Variants in ATF7IP2 observed in about 807,000 individuals in gnomAD.
ATF7IP2 encodes activating transcription factor 7 interacting protein 2.
ATF7IP2 carries 42 observed loss-of-function variants against 64.2 expected under a neutral mutation model. The ratio of observed to expected loss-of-function variants is 0.65; its 90% CI spans 0.51 to 0.85. The LOEUF (loss-of-function observed/expected upper bound fraction) is 0.85, where lower values mean the gene tolerates loss of function less well. Among genes scored for constraint, ATF7IP2 ranks in the 40% least tolerant of loss-of-function variants. The probability of loss-of-function intolerance (pLI) is 0.00; values close to 1 mark genes in which losing one functional copy is unlikely to be tolerated. For missense variants in ATF7IP2, 933 were observed against 784.2 expected (o/e 1.19, Z -2.27); for synonymous variants, 308 against 272.8 (o/e 1.13, Z -1.27).
At chr16:10,421,402 A>T (rs1382023179) in intron 3 of ATF7IP2, among the ~76,000 whole-genome samples, 8 of 152,200 alleles carry the variant, frequency 5.3e-5, no homozygotes, top group Non-Finnish European at 2.9e-5. Flanking sequence ...GCTGAGGGCT[A>T]TTGCGACTAG....
intron 1 of ATF7IP2, among the ~76,000 whole-genome samples, chr16:10,405,948 G>T (rs1298518222): frequency 1.3e-5 from 2 of 152,114 alleles, no homozygotes; most frequent in South Asian, 2.1e-4. Flanking sequence ...AACTAGCTGG[G>T]TGTGGTGGCA....
intron 1 of ATF7IP2, among the ~76,000 whole-genome samples, chr16:10,408,584 A>G (rs1303507766): frequency 6.6e-6 from 1 of 152,194 alleles, no homozygotes; most frequent in Non-Finnish European, 1.5e-5. Context: ...TTCCCTGATC[A>G]TTAGTGGTGA....
intron 8 of ATF7IP2, among the ~76,000 whole-genome samples, chr16:10,444,670 A>G (rs1384735331): frequency 6.6e-6 from 1 of 152,310 alleles, no homozygotes; most frequent in South Asian, 2.1e-4. Flanking sequence ...GAAGTTTTCA[A>G]AATCGATTTA....
rs2048244959 is a variant in ATF7IP2 at position 10,431,341 on chromosome 16, T to C, written c.721T>C (p.Ser241Pro). 1 of 1,614,108 alleles carries C rather than the reference T, an allele frequency of 6.2e-7. No individual in the cohort carries two copies. The highest frequency in any genetic ancestry group is 1.3e-5 in the African/African-American group (1 of 74,944). ...ACCTAATTTGGTGAATTCAGTCACT[T>C]CTAACAACTGTGCTGATGACATTTT... is the stretch of plus-strand genomic sequence containing the variant. ...KTPNLVNSVT[S>P]NNCADDILKT... The change falls in exon 5 of 14, where the codon TCT becomes CCT. Residue 241 changes from serine (S) to proline (P), a missense_variant. Coordinates refer to ENST00000562102, the MANE Select transcript of ATF7IP2 (RefSeq NM_001393719.1).
intron 12 of ATF7IP2, among the ~76,000 whole-genome samples, chr16:10,474,928 G>T (rs918250884): frequency 2.0e-5 from 3 of 152,116 alleles, no homozygotes; most frequent in Non-Finnish European, 2.9e-5. Flanking sequence ...TTTCAAAAAA[G>T]AAAGCAACTT....
chr16:10,398,053 C>T (rs372314836), intron 1 of ATF7IP2, among the ~76,000 whole-genome samples: 307 of 151,828 alleles, frequency 2.0e-3, no homozygotes, highest in African/African-American at 6.8e-3. Context: ...GCTTGTAATC[C>T]CAGCACTTTG....
chr16:10,482,206 G>A lies in ATF7IP2; in HGVS notation c.2006G>A (p.Cys669Tyr). The A allele has an allele frequency of 1.9e-6, 3 of 1,607,594 alleles. No homozygotes were observed. Among genetic ancestry groups the A allele is most frequent in the Non-Finnish European group, 2.5e-6 (3 of 1,177,696 alleles). Residue 669 changes from cysteine (C) to tyrosine (Y), a missense_variant, in exon 14 of 14, where the codon TGT (cysteine) becomes TAT (tyrosine). By Grantham distance (194) the Cys-to-Tyr change is radical (BLOSUM62 -2). Transcript: ENST00000562102. ...KDIFGRYGPF[C>Y]DIKSIPGFSE... ...ATTTTTGGACGATATGGACCATTCTGTGATATAAAATCTATCCCTGGGTTT... is the reference window on the plus strand; with the variant it reads ...ATTTTTGGACGATATGGACCATTCTATGATATAAAATCTATCCCTGGGTTT...
chr16:10,436,648 ATG>A (rs749214957), intron 6 of ATF7IP2, among the ~76,000 whole-genome samples: 7 of 152,216 alleles, frequency 4.6e-5, no homozygotes, highest in Admixed American at 3.9e-4. Context: ...CGTAGGAACT[ATG>A]TGTTCTATTT....
At chr16:10,390,998 A>G (rs532562157) in intron 1 of ATF7IP2, among the ~76,000 whole-genome samples, 221 of 151,990 alleles carry the variant, frequency 1.5e-3, no homozygotes, top group Non-Finnish European at 2.1e-3. Context: ...CCCCATCGCT[A>G]TGAAAAACAA....
chr16:10,445,945 A>G (rs545580272), intron 8 of ATF7IP2: 164 of 152,366 alleles, frequency 1.1e-3, no homozygotes, highest in African/African-American at 3.7e-3. Flanking sequence ...CAGTATAAAT[A>G]GTTCCTTCTT....
At chr16:10,417,669 T>C (rs1453981732) in intron 2 of ATF7IP2, among the ~76,000 whole-genome samples, 1 of 152,088 alleles carries the variant, frequency 6.6e-6, no homozygotes, top group Non-Finnish European at 1.5e-5. Flanking sequence ...AAATTGATAA[T>C]CTGGTCCTAA....
Position 10,426,864 on chromosome 16 carries a change from T to G in ATF7IP2, c.-159-2004T>G, listed in dbSNP as rs78418666. On this transcript the variant is annotated intron_variant, in intron 3 of 13. Coordinates refer to ENST00000562102, the MANE Select transcript of ATF7IP2 (RefSeq NM_001393719.1). Reference sequence around the variant, plus strand: ...TTTTTGGTTTTTTTTTGTTGTTGTTTTTTTTTAAGACAGTGTCCCACTCTG... The same window carrying G: ...TTTTTGGTTTTTTTTTGTTGTTGTTGTTTTTTAAGACAGTGTCCCACTCTG... Among the ~76,000 whole-genome samples the G allele has an allele frequency of 7.4e-3, 1,132 of 152,310 alleles. 7 individuals carry two copies. Among genetic ancestry groups the G allele is most frequent in the African/African-American group, 0.023 (966 of 41,582 alleles).
At chr16:10,401,291 C>G (rs779173496) in intron 1 of ATF7IP2, among the ~76,000 whole-genome samples, 6 of 152,088 alleles carry the variant, frequency 3.9e-5, no homozygotes, top group Non-Finnish European at 5.9e-5. Flanking sequence ...CCCCAGCATC[C>G]CGAGTACCTG....
intron 1 of ATF7IP2, among the ~76,000 whole-genome samples, chr16:10,391,150 C>T (rs566843852): frequency 7.1e-5 from 8 of 113,388 alleles, no homozygotes; most frequent in African/African-American, 3.0e-4. Context: ...GAGAGAGACC[C>T]TGTCTCAAAA....
At chr16:10,428,037 A>G (rs1236926685) in intron 3 of ATF7IP2, among the ~76,000 whole-genome samples, 1 of 152,208 alleles carries the variant, frequency 6.6e-6, no homozygotes. Flanking sequence ...TATTAGCTAT[A>G]GTTTGCTCAA....
intron 8 of ATF7IP2, among the ~76,000 whole-genome samples, chr16:10,444,852 G>A (rs1468558828): frequency 6.6e-6 from 1 of 152,032 alleles, no homozygotes; most frequent in African/African-American, 2.4e-5. Context: ...TTCAAACCTG[G>A]GTACAATATT....
intron 9 of ATF7IP2, among the ~76,000 whole-genome samples, chr16:10,463,123 T>G (rs971573765): frequency 2.0e-5 from 3 of 152,214 alleles, no homozygotes; most frequent in African/African-American, 7.2e-5. Context: ...CACTTTGAAC[T>G]CTATTTGTGT....
At chr16:10,389,211 A>C (rs994954746) in intron 1 of ATF7IP2, among the ~76,000 whole-genome samples, 1 of 152,172 alleles carries the variant, frequency 6.6e-6, no homozygotes. Context: ...CTCCAGGAAA[A>C]GACAAACTAC....
intron 9 of ATF7IP2, 160 bp downstream of exon 9, chr16:10,457,689 G>GTTT (rs376910055): frequency 9.6e-6 from 5 of 518,780 alleles, no homozygotes; most frequent in Admixed American, 9.3e-5. Context: ...AGTTGTGGGG[G>GTTT]TTTTTTTTTG....
Sources: allele counts gnomAD v4.1 joint callset (sites outside exome capture counted in the v4.1 genomes callset), GRCh38; gene constraint gnomAD v4.1.1; transcripts MANE v1.5; gene names NCBI Gene and HGNC (gene_info 2026-07-23, HGNC 2026-07-21).